Variants in ZNF101 observed in about 807,000 individuals in gnomAD.
The protein encoded by ZNF101 is zinc finger protein 101 (Y2).
In ZNF101, 34 loss-of-function variants were observed where a neutral mutation model predicts 42.6. The ratio of observed to expected loss-of-function variants is 0.80; its 90% CI spans 0.61 to 1.06. The LOEUF (loss-of-function observed/expected upper bound fraction) is 1.06. Among genes scored for constraint, ZNF101 ranks in the 50% least tolerant of loss-of-function variants. The pLI, the probability that ZNF101 is intolerant of heterozygous loss-of-function variation, is 0.00. For synonymous variants in ZNF101, 158 were observed against 183.9 expected (o/e 0.86, Z 1.14); for missense variants, 466 against 530.9 (o/e 0.88, Z 1.20).
At chr19:19,672,073 G>GTATATATATATA (rs34821774) in intron 1 of ZNF101, 3 of 143,140 alleles carry the variant, frequency 2.1e-5, no homozygotes, top group African/African-American at 7.7e-5. Context: ...ATGTGTGTGT[G>GTATATATATATA]TATATATATA....
rs1232864684 is a variant in ZNF101, at chr19:19,668,941, C to T, written c.-23C>T. 1.3e-6 allele frequency: 2 copies of T among 1,585,480 alleles called. No individual in the cohort carries two copies. The highest frequency in any genetic ancestry group is 2.7e-5 in the African/African-American group (2 of 74,356). On this transcript the variant is annotated 5_prime_UTR_variant, in exon 1 of 4. Coordinates refer to ENST00000592502, the MANE Select transcript of ZNF101 (RefSeq NM_033204.4). ...CTGGCTGCTCCAGCCCCAGGAAGGA[C>T]CCAGGACACCCGGAAGCCGGAAATG...
At chr19:19,672,549 G>A (rs2062177322) in intron 1 of ZNF101, among the ~76,000 whole-genome samples, 1 of 143,142 alleles carries the variant, frequency 7.0e-6, no homozygotes, top group South Asian at 2.3e-4. Flanking sequence ...TTTTTTTGGC[G>A]GGGGGGGTCT....
At position 19,679,391 on chromosome 19, in the gene ZNF101, G is replaced by C; in HGVS notation, c.402G>C (p.Gly134=). Residue 134 remains glycine, a synonymous_variant, in exon 4 of 4, where the codon GGG becomes GGC. Coordinates refer to ENST00000592502, the MANE Select transcript of ZNF101 (RefSeq NM_033204.4). ...HAGHKRSECG[G]EWRETPRKQK... ...GACACAAACGATCTGAGTGTGGTGG[G>C]GAATGGAGAGAGACGCCCCGTAAAC... The C allele has an allele frequency of 6.2e-7, 1 of 1,614,002 alleles. No homozygotes were observed. Among genetic ancestry groups the C allele is most frequent in the Non-Finnish European group, 8.5e-7 (1 of 1,179,978 alleles).
In ZNF101 at chr19:19,679,558, C is replaced by T. The variant is rs578082766; in HGVS notation, c.569C>T (p.Thr190Ile). The T allele has an allele frequency of 6.2e-7, 1 of 1,614,160 alleles. No homozygotes were observed. The highest frequency in any genetic ancestry group is 1.3e-5 in the African/African-American group (1 of 75,042). ...SPNLFQIHQR[T>I]HTGKRSYKCR... is the part of the protein sequence containing the mutation. ...AATTTATTTCAAATCCATCAAAGAA[C>T]TCACACTGGAAAGAGGTCCTATAAA... The change falls in exon 4 of 4, where the codon ACT (threonine) becomes ATT (isoleucine). Residue 190 changes from threonine (T) to isoleucine (I), a missense_variant. Transcript: ENST00000592502.
chr19:19,675,109 C>T (rs577126780), intron 1 of ZNF101, among the ~76,000 whole-genome samples: 71 of 151,904 alleles, frequency 4.7e-4, no homozygotes, highest in African/African-American at 1.5e-3. Flanking sequence ...CATGAGCCAC[C>T]GCGCCCAGCC....
rs2062230498 is a variant in ZNF101, at chr19:19,680,103, G to T, written c.1114G>T (p.Gly372Cys). Residue 372 changes from glycine to cysteine, a missense_variant, in exon 4 of 4, where the codon GGT becomes TGT. Coordinates refer to ENST00000592502, the MANE Select transcript of ZNF101 (RefSeq NM_033204.4). ...GEKPYECTRC[G>C]KAFGWCSSLR... ...AAAGCCATATGAATGTACAAGGTGTGGTAAAGCCTTTGGGTGGTGCAGTTC... is the reference window on the plus strand; with the variant it reads ...AAAGCCATATGAATGTACAAGGTGTTGTAAAGCCTTTGGGTGGTGCAGTTC... 6.2e-7 allele frequency: 1 copy of T among 1,614,084 alleles called. No homozygotes were observed. The highest frequency in any genetic ancestry group is 1.3e-5 in the African/African-American group (1 of 75,022).
intron 3 of ZNF101, 85 bp downstream of exon 3, chr19:19,678,871 T>G: frequency 2.5e-6 from 3 of 1,220,236 alleles, no homozygotes; most frequent in Non-Finnish European, 3.5e-6. Flanking sequence ...ACAAGACAAA[T>G]AAGTACAATG....
At chr19:19,671,522 C>T (rs1475134610) in intron 1 of ZNF101, among the ~76,000 whole-genome samples, 1 of 144,358 alleles carries the variant, frequency 6.9e-6, no homozygotes, top group Non-Finnish European at 1.5e-5. Flanking sequence ...TTTTTTGAGA[C>T]AGAGTCTTGC....
chr19:19,670,434 TCACTATGTTGCC>T (rs2145042131), intron 1 of ZNF101, among the ~76,000 whole-genome samples: 1 of 152,310 alleles, frequency 6.6e-6, no homozygotes, highest in East Asian at 1.9e-4. Context: ...AGACAAGGTC[TCACTATGTTGCC>T]CAGTCTGCTC....
At chr19:19,673,403 C>A (rs866440364) in intron 1 of ZNF101, among the ~76,000 whole-genome samples, 83 of 151,856 alleles carry the variant, frequency 5.5e-4, no homozygotes, top group African/African-American at 2.0e-3. Flanking sequence ...GCACGTGCCA[C>A]CACACCTGGC....
At chr19:19,675,628 CTGTA>C (rs1396268630) in intron 1 of ZNF101, among the ~76,000 whole-genome samples, 1 of 152,124 alleles carries the variant, frequency 6.6e-6, no homozygotes, top group Non-Finnish European at 1.5e-5. Context: ...TTGTCCTCTG[CTGTA>C]TGTATGTATT....
At chr19:19,671,690 G>A (rs1163026425) in intron 1 of ZNF101, among the ~76,000 whole-genome samples, 1 of 151,962 alleles carries the variant, frequency 6.6e-6, no homozygotes, top group Non-Finnish European at 1.5e-5. Context: ...TAGTAGAGAC[G>A]GGGTTTCACC....
intron 3 of ZNF101, 46 bp downstream of exon 3, chr19:19,678,832 T>C (rs762520256): frequency 1.3e-6 from 2 of 1,534,382 alleles, no homozygotes; most frequent in Non-Finnish European, 1.8e-6. Flanking sequence ...GAGGGAATCT[T>C]AGTAGGTCAG....
At chr19:19,671,538 C>A (rs1038214151) in intron 1 of ZNF101, among the ~76,000 whole-genome samples, 8 of 147,770 alleles carry the variant, frequency 5.4e-5, no homozygotes, top group Admixed American at 4.1e-4. Flanking sequence ...CTTGCTCTGT[C>A]GCCCAGGCTG....
At chr19:19,677,058 G>A (rs1488930920) in intron 1 of ZNF101, 2 of 152,174 alleles carry the variant, frequency 1.3e-5, no homozygotes, top group Non-Finnish European at 2.9e-5. Context: ...TTACCTGACA[G>A]AAATTTTAAA....
At chr19:19,672,683 G>A (rs2062178223) in intron 1 of ZNF101, among the ~76,000 whole-genome samples, 2 of 151,854 alleles carry the variant, frequency 1.3e-5, no homozygotes, top group South Asian at 2.1e-4. Flanking sequence ...CTGCCACCAC[G>A]CCCAGCCAAT....
Position 19,681,796 on chromosome 19 carries a change from G to A in ZNF101, c.*1496G>A, listed in dbSNP as rs1230825160. ...TCCACTCGAAAGAAATCCTATAAAC[G>A]TAAGTAATTTTGAAAGCCTGATGCA... On this transcript the variant is annotated 3_prime_UTR_variant, in exon 4 of 4. Transcript: ENST00000592502. 3 of 151,620 alleles carry A rather than the reference G, an allele frequency of 2.0e-5. No homozygotes were observed. The highest frequency in any genetic ancestry group is 2.9e-5 in the Non-Finnish European group (2 of 67,988). The allele number at this position is 151,620 out of a possible 1,614,324, so 9.4% of individuals were successfully genotyped here.
In ZNF101 at chr19:19,672,073, G is replaced by GTGTA. The variant is rs1555754924; in HGVS notation, c.3+3108_3+3109insGTAT. 67 of 143,132 alleles carry GTGTA rather than the reference G, an allele frequency of 4.7e-4. 1 individual carries two copies. The highest frequency in any genetic ancestry group is 1.3e-3 in the Admixed American group (19 of 14,152). 8.9% of individuals were successfully genotyped at this position (143,132 alleles called of 1,614,324 possible). A position where few individuals can be genotyped will look rare whatever the true frequency, so the allele number is the denominator to read the frequency against. ...CCCCCATCTTAAAAAATGTGTGTGT[G>GTGTA]TATATATATATATATATAAATTATA... is the stretch of plus-strand genomic sequence containing the variant. On this transcript the variant is annotated intron_variant, in intron 1 of 3. Coordinates refer to ENST00000592502, the MANE Select transcript of ZNF101 (RefSeq NM_033204.4).
chr19:19,680,168 C>G lies in ZNF101; in HGVS notation c.1179C>G (p.Pro393=), dbSNP rs1257012653. ...RHEMTHTGEK[P]FDCKQCGKVF... ...AAATGACTCACACTGGAGAAAAACC[C>G]TTTGATTGTAAACAGTGTGGTAAAG... The change falls in exon 4 of 4, where the codon CCC becomes CCG. Residue 393 remains proline, a synonymous_variant. Transcript: ENST00000592502. 6.2e-7 allele frequency: 1 copy of G among 1,611,522 alleles called. No homozygotes were observed. The highest frequency in any genetic ancestry group is 2.2e-5 in the East Asian group (1 of 44,890).
Sources: gnomAD v4.1 joint callset for allele counts (sites outside exome capture counted in the v4.1 genomes callset) on GRCh38, gnomAD v4.1.1 for gene constraint, MANE v1.5 for transcripts, NCBI Gene and HGNC (gene_info 2026-07-23, HGNC 2026-07-21) for gene names.